Variants in ZNF420 observed in about 807,000 individuals in gnomAD.
The protein encoded by ZNF420 is ATM and p53-associated KZNF protein.
Under a neutral mutation model 44.7 loss-of-function variants are expected in ZNF420, and 31 were observed. That is an observed-to-expected ratio of 0.69 (90% CI 0.52 to 0.94). ZNF420 has a LOEUF of 0.94. ZNF420 is among the 40% of genes least tolerant of loss of function. The pLI is 0.00. For missense variants in ZNF420, 681 were observed against 827.9 expected (o/e 0.82, Z 2.18); for synonymous variants, 245 against 267.4 (o/e 0.92, Z 0.82).
chr19:37,015,637 G>A (rs1011561219), intron 1 of ZNF420, among the ~76,000 whole-genome samples: 16 of 152,214 alleles, frequency 1.1e-4, no homozygotes, highest in African/African-American at 3.4e-4. Context: ...ATGAGGTGGG[G>A]AGGAGGTCCC....
intron 1 of ZNF420, among the ~76,000 whole-genome samples, chr19:37,015,007 G>A (rs2074599318): frequency 1.3e-5 from 2 of 152,226 alleles, no homozygotes; most frequent in Non-Finnish European, 2.9e-5. Flanking sequence ...CCGGGATTTG[G>A]ACATACGGCC....
At chr19:37,101,497 T>A (rs932074743) in intron 4 of ZNF420, among the ~76,000 whole-genome samples, 1 of 152,120 alleles carries the variant, frequency 6.6e-6, no homozygotes, top group African/African-American at 2.4e-5. Flanking sequence ...TCCATCTCAA[T>A]CAATCAATCA....
upstream of ZNF420, chr19:37,078,277 G>A (rs549946772): frequency 6.6e-6 from 1 of 152,254 alleles, no homozygotes; most frequent in East Asian, 1.9e-4. Flanking sequence ...CCGAGCCCAC[G>A]AGCCCCTCGA....
In ZNF420 at chr19:37,041,861, G is replaced by A. The variant is rs559695699; in HGVS notation, c.-125+33779G>A. Among the ~76,000 whole-genome samples, 3 of 152,224 alleles carry A rather than the reference G, an allele frequency of 2.0e-5. No individual in the cohort carries two copies. The East Asian group carries it at 5.8e-4, about 29-fold the overall frequency. On this transcript the variant is annotated intron_variant, in intron 1 of 4. Coordinates refer to the ZNF420 transcript ENST00000587029. ...TTACAGCATTTCTTTCTGTAAAAAT[G>A]AAGGTATAATCATGATTATCTCTAT... is the stretch of plus-strand genomic sequence containing the variant.
At position 37,089,110 on chromosome 19, in the gene ZNF420, C is replaced by A; in HGVS notation, c.-9C>A. On this transcript the variant is annotated 5_prime_UTR_variant, in exon 3 of 5. Transcript: ENST00000337995. ...AGAGGACTGATCATTTCTTGCAGCT[C>A]TAAAAACCATGGCTCGGGTAAATTG... The A allele has an allele frequency of 1.2e-6, 2 of 1,613,276 alleles. No individual in the cohort carries two copies. Among genetic ancestry groups the A allele is most frequent in the Non-Finnish European group, 1.7e-6 (2 of 1,179,246 alleles).
chr19:37,058,593 C>G (rs545821483), intron 1 of ZNF420, among the ~76,000 whole-genome samples: 1 of 152,226 alleles, frequency 6.6e-6, no homozygotes, highest in South Asian at 2.1e-4. Context: ...GCTCCTAGAG[C>G]AGGCATCCCA....
chr19:37,073,754 AAAAAAAAAAAAAG>A (rs996251888), upstream of ZNF420, among the ~76,000 whole-genome samples: 1 of 151,174 alleles, frequency 6.6e-6, no homozygotes, highest in African/African-American at 2.4e-5. Flanking sequence ...GAAAAAAGAA[AAAAAAAAAAAAAG>A]AAAAGAAAAG....
At chr19:37,021,812 C>T (rs569332743) in intron 1 of ZNF420, among the ~76,000 whole-genome samples, 1 of 151,596 alleles carries the variant, frequency 6.6e-6, no homozygotes, top group African/African-American at 2.4e-5. Flanking sequence ...TGGCGTACAC[C>T]TGTAGTCCCA....
chr19:37,009,872 C>A (rs759359526), intron 1 of ZNF420, among the ~76,000 whole-genome samples: 13 of 152,216 alleles, frequency 8.5e-5, no homozygotes, highest in Non-Finnish European at 1.9e-4. Context: ...TAGAAGTTGG[C>A]TCAAGGAGGC....
chr19:37,107,116 G>C (rs1385261869), intron 4 of ZNF420: 2 of 152,178 alleles, frequency 1.3e-5, no homozygotes, highest in African/African-American at 4.8e-5. Context: ...CCTCTTATCT[G>C]AACTGCAAAG....
chr19:37,089,003 A>G, intron 2 of ZNF420, 36 bp from the exon 3 acceptor site: 1 of 898,848 alleles, frequency 1.1e-6, no homozygotes, highest in Non-Finnish European at 1.8e-6. Context: ...ACTTTGCAAA[A>G]CACCTGGTCT....
At chr19:37,100,550 T>C (rs1315681412) in intron 4 of ZNF420, among the ~76,000 whole-genome samples, 1 of 151,962 alleles carries the variant, frequency 6.6e-6, no homozygotes, top group Non-Finnish European at 1.5e-5. Flanking sequence ...CCATCTCTAC[T>C]AAAAATACAA....
At chr19:37,122,432 G>A (rs570834593) in intron 4 of ZNF420, among the ~76,000 whole-genome samples, 1 of 142,504 alleles carries the variant, frequency 7.0e-6, no homozygotes, top group South Asian at 2.4e-4. Context: ...AGGGACACAG[G>A]AAGGGGAACA....
chr19:37,009,306 C>T (rs767566228), intron 1 of ZNF420, among the ~76,000 whole-genome samples: 6 of 152,120 alleles, frequency 3.9e-5, no homozygotes, highest in Admixed American at 6.5e-5. Flanking sequence ...GAAACCTCTC[C>T]GCTCCTCCAG....
chr19:37,111,997 AGAATGAAGG>A (rs1195468678), intron 4 of ZNF420, among the ~76,000 whole-genome samples: 1 of 152,018 alleles, frequency 6.6e-6, no homozygotes, highest in African/African-American at 2.4e-5. Flanking sequence ...TTCCAAGGCG[AGAATGAAGG>A]CTCAGTATGT....
In ZNF420 at chr19:37,129,258, A is replaced by G; in HGVS notation, c.*200A>G. On this transcript the variant is annotated 3_prime_UTR_variant, in exon 5 of 5. Coordinates refer to ENST00000337995, the MANE Select transcript of ZNF420 (RefSeq NM_144689.5). ...ATTAAACATTAGCAAATTGGAGAAT[A>G]GTTTTAATATAGTAAATGTAGGAAG... 1 of 627,862 alleles carries G rather than the reference A, an allele frequency of 1.6e-6. No individual in the cohort carries two copies. The highest frequency in any genetic ancestry group is 2.3e-5 in the South Asian group (1 of 43,682). The allele number at this position is 627,862 out of a possible 1,614,324, so 38.9% of individuals were successfully genotyped here.
At chr19:37,117,801 A>C (rs550229373) in intron 4 of ZNF420, among the ~76,000 whole-genome samples, 1 of 152,366 alleles carries the variant, frequency 6.6e-6, no homozygotes, top group African/African-American at 2.4e-5. Flanking sequence ...GCTGAAAGCC[A>C]AGGCTCAAGA....
chr19:37,099,771 A>G (rs972542989), intron 4 of ZNF420, among the ~76,000 whole-genome samples: 1 of 152,026 alleles, frequency 6.6e-6, no homozygotes, highest in East Asian at 1.9e-4. Flanking sequence ...CTACAGGCAC[A>G]TGCCACCACG....
chr19:37,040,597 A>G (rs1599610724), intron 1 of ZNF420, among the ~76,000 whole-genome samples: 1 of 152,230 alleles, frequency 6.6e-6, no homozygotes, highest in African/African-American at 2.4e-5. Context: ...ACAAGATACC[A>G]CATAAAGGCT....
Sources: gnomAD v4.1 joint callset for allele counts (sites outside exome capture counted in the v4.1 genomes callset) on GRCh38, gnomAD v4.1.1 for gene constraint, MANE v1.5 for transcripts, NCBI Gene and HGNC (gene_info 2026-07-23, HGNC 2026-07-21) for gene names.